Variants in PPIP5K2 observed in about 807,000 individuals in gnomAD.
PPIP5K2 encodes diphosphoinositol pentakisphosphate kinase 2, also known as inositol hexakisphosphate and diphosphoinositol-pentakisphosphate kinase 2.
PPIP5K2 carries 105 observed loss-of-function variants against 154.6 expected under a neutral mutation model. The ratio of observed to expected loss-of-function variants is 0.68; its 90% CI spans 0.58 to 0.80. The LOEUF (loss-of-function observed/expected upper bound fraction) is 0.80, where lower values mean the gene tolerates loss of function less well. PPIP5K2 is among the 30% of genes least tolerant of loss of function. The pLI is 0.00. For missense variants in PPIP5K2, 992 were observed against 1,504.6 expected, an observed-to-expected ratio of 0.66 and a Z score of 5.64; for synonymous variants, 480 against 490.3, an observed-to-expected ratio of 0.98 and a Z score of 0.28.
At chr5:103,134,969 G>A (rs544180620) in intron 3 of PPIP5K2, among the ~76,000 whole-genome samples, 1 of 152,140 alleles carries the variant, frequency 6.6e-6, no homozygotes, top group Non-Finnish European at 1.5e-5. Flanking sequence ...ACTGGCCACA[G>A]CTTTTTGTTT....
At chr5:103,148,813 G>A (rs1422418442) in intron 7 of PPIP5K2, among the ~76,000 whole-genome samples, 1 of 149,530 alleles carries the variant, frequency 6.7e-6, no homozygotes, top group African/African-American at 2.5e-5. Flanking sequence ...TTTTTTTCCT[G>A]TAAGTTTTAT....
chr5:103,127,975 TAAAC>T (rs1554201315), intron 1 of PPIP5K2, among the ~76,000 whole-genome samples: 1 of 152,142 alleles, frequency 6.6e-6, no homozygotes, highest in Non-Finnish European at 1.5e-5. Flanking sequence ...TTTTACATGT[TAAAC>T]AGTACAGAGG....
intron 14 of PPIP5K2, 110 bp from the exon 15 acceptor site, chr5:103,158,078 C>T: frequency 8.8e-7 from 1 of 1,140,480 alleles, no homozygotes; most frequent in South Asian, 1.6e-5. Flanking sequence ...AAATATCTTA[C>T]ATATGGGCCA....
At chr5:103,178,429 T>C (rs1799036049) in intron 23 of PPIP5K2, among the ~76,000 whole-genome samples, 2 of 151,952 alleles carry the variant, frequency 1.3e-5, no homozygotes, top group Non-Finnish European at 1.5e-5. Flanking sequence ...TCTGAATTTT[T>C]AGTCTTACTT....
chr5:103,137,488 G>T (rs1791734382), intron 4 of PPIP5K2, among the ~76,000 whole-genome samples: 1 of 152,018 alleles, frequency 6.6e-6, no homozygotes, highest in Admixed American at 6.6e-5. Context: ...AAATGGTAAA[G>T]TATACCTATT....
Position 103,210,767 on chromosome 5 carries a change from T to C in PPIP5K2, c.*9133T>C, listed in dbSNP as rs1325626684. The C allele has an allele frequency of 2.0e-5, 3 of 152,166 alleles. No individual in the cohort carries two copies. The highest frequency in any genetic ancestry group is 2.1e-4 in the South Asian group (1 of 4,838). The allele number at this position is 152,166 out of a possible 1,614,324, so 9.4% of individuals were successfully genotyped here. On this transcript the variant is annotated 3_prime_UTR_variant, in exon 31 of 31. Coordinates refer to ENST00000358359, the MANE Select transcript of PPIP5K2 (RefSeq NM_001276277.3). ...AATACAGTTAATAGTATAATACTTA[T>C]AATAACAATTTTGAGAATTATCAGC...
At chr5:103,155,758 A>G (rs1334894746) in intron 13 of PPIP5K2, 151 bp from the exon 14 acceptor site, 1 of 640,146 alleles carries the variant, frequency 1.6e-6, no homozygotes, top group African/African-American at 1.9e-5. Context: ...TTTGTTTTTA[A>G]TGTGGTTAGA....
At chr5:103,130,034 T>C (rs999408712) in intron 2 of PPIP5K2, among the ~76,000 whole-genome samples, 9 of 152,082 alleles carry the variant, frequency 5.9e-5, no homozygotes, top group African/African-American at 1.9e-4. Flanking sequence ...TAATTGAAGA[T>C]AGGTGGAAGG....
chr5:103,123,835 G>A (rs1223690242), intron 1 of PPIP5K2, among the ~76,000 whole-genome samples: 1 of 152,146 alleles, frequency 6.6e-6, no homozygotes, highest in Non-Finnish European at 1.5e-5. Flanking sequence ...CAGACAGTTA[G>A]CATATGTTGA....
chr5:103,173,069 C>A, intron 19 of PPIP5K2, 86 bp from the exon 20 acceptor site: 2 of 1,091,542 alleles, frequency 1.8e-6, no homozygotes, highest in South Asian at 2.2e-5. Flanking sequence ...AAATATTTGT[C>A]TCTCACTAGA....
intron 5 of PPIP5K2, among the ~76,000 whole-genome samples, chr5:103,139,507 C>CA (rs1792183299): frequency 6.6e-6 from 1 of 152,106 alleles, no homozygotes; most frequent in South Asian, 2.1e-4. Context: ...AGGCTTAGAT[C>CA]ATAACACTTA....
chr5:103,173,020 C>G, intron 19 of PPIP5K2, 135 bp from the exon 20 acceptor site: 1 of 633,622 alleles, frequency 1.6e-6, no homozygotes, highest in Non-Finnish European at 2.5e-6. Context: ...GCAAAAAATG[C>G]AAACTCGGAG....
chr5:103,144,139 C>G (rs1793333657), intron 5 of PPIP5K2, among the ~76,000 whole-genome samples: 1 of 149,710 alleles, frequency 6.7e-6, no homozygotes, highest in African/African-American at 2.5e-5. Context: ...GAACAGCAAA[C>G]AATCTGAAAA....
At chr5:103,189,452 A>G (rs1295431648) in intron 28 of PPIP5K2, among the ~76,000 whole-genome samples, 1 of 151,384 alleles carries the variant, frequency 6.6e-6, no homozygotes, top group African/African-American at 2.5e-5. Context: ...AAAGAAGAAA[A>G]GATCTCATCG....
intron 19 of PPIP5K2, 78 bp from the exon 20 acceptor site, chr5:103,173,077 A>G (rs1798201259): frequency 1.7e-6 from 2 of 1,183,734 alleles, no homozygotes; most frequent in Non-Finnish European, 2.3e-6. Context: ...GTCTCTCACT[A>G]GACTAATTTA....
intron 14 of PPIP5K2, among the ~76,000 whole-genome samples, 155 bp from the exon 15 acceptor site, chr5:103,158,033 T>A (rs1316195388): frequency 6.6e-6 from 1 of 152,170 alleles, no homozygotes; most frequent in Non-Finnish European, 1.5e-5. Flanking sequence ...ACAAACGGCA[T>A]TAAGGAACAT....
At chr5:103,201,440 TC>T in intron 30 of PPIP5K2, 81 bp from the exon 31 acceptor site, 1 of 755,496 alleles carries the variant, frequency 1.3e-6, no homozygotes, top group East Asian at 2.7e-5. Context: ...AATTGTTTTG[TC>T]AATCAGCAGT....
chr5:103,155,825 C>A (rs782384039), intron 13 of PPIP5K2, 84 bp from the exon 14 acceptor site: 37 of 847,212 alleles, frequency 4.4e-5, no homozygotes, highest in Non-Finnish European at 7.2e-5. Context: ...ATTAAACAGG[C>A]GGTTACAAAT....
At chr5:103,129,012 T>G (rs1790180891) in intron 1 of PPIP5K2, among the ~76,000 whole-genome samples, 1 of 152,172 alleles carries the variant, frequency 6.6e-6, no homozygotes, top group Non-Finnish European at 1.5e-5. Flanking sequence ...ATAATTTGAG[T>G]AATTTTCTCT....
Sources: gnomAD v4.1 joint callset for allele counts (sites outside exome capture counted in the v4.1 genomes callset) on GRCh38, gnomAD v4.1.1 for gene constraint, MANE v1.5 for transcripts, NCBI Gene and HGNC (gene_info 2026-07-23, HGNC 2026-07-21) for gene names.